ROBO2: variants seen among roughly 807,000 people sequenced by gnomAD.
ROBO2 encodes the protein roundabout guidance receptor 2.
A neutral mutation model predicts 160.8 loss-of-function variants in ROBO2; 53 were observed. The ratio of observed to expected loss-of-function variants is 0.33; its 90% CI spans 0.26 to 0.41. ROBO2 has a LOEUF of 0.41. Among genes scored for constraint, ROBO2 ranks in the 10% least tolerant of loss-of-function variants. The pLI, the probability that ROBO2 is intolerant of heterozygous loss-of-function variation, is 1.00. For missense variants in ROBO2, 1,577 were observed against 1,722.4 expected (o/e 0.92, Z 1.49); for synonymous variants, 664 against 611.7 (o/e 1.09, Z -1.26).
At chr3:76,201,886 T>C (rs1702545665) in intron 2 of ROBO2, among the ~76,000 whole-genome samples, 1 of 36,134 alleles carries the variant, frequency 2.8e-5, no homozygotes, top group Admixed American at 4.3e-4. Context: ...CAACGAGAAA[T>C]GTCAAAAAAA....
chr3:76,513,648 G>A (rs559652123), intron 2 of ROBO2, among the ~76,000 whole-genome samples: 13 of 152,274 alleles, frequency 8.5e-5, no homozygotes, highest in African/African-American at 3.1e-4. Flanking sequence ...GTTATGAATT[G>A]CTTCATTATT....
chr3:76,022,160 G>T (rs1343069080), intron 2 of ROBO2, among the ~76,000 whole-genome samples: 1 of 151,758 alleles, frequency 6.6e-6, no homozygotes, highest in African/African-American at 2.4e-5. Flanking sequence ...TCTTGAAACT[G>T]CAGCAACTCA....
At chr3:76,100,784 C>G (rs952364983) in intron 2 of ROBO2, among the ~76,000 whole-genome samples, 1 of 152,078 alleles carries the variant, frequency 6.6e-6, no homozygotes, top group Non-Finnish European at 1.5e-5. Context: ...TATGGTAACT[C>G]TATCTCAGTA....
intron 2 of ROBO2, among the ~76,000 whole-genome samples, chr3:75,952,120 G>A (rs2107194992): frequency 6.6e-6 from 1 of 151,998 alleles, no homozygotes; most frequent in Non-Finnish European, 1.5e-5. Context: ...TCCAGCAATA[G>A]GTTTTAATCC....
intron 2 of ROBO2, among the ~76,000 whole-genome samples, chr3:77,410,752 C>G (rs1038888283): frequency 1.8e-4 from 26 of 148,194 alleles, no homozygotes; most frequent in Non-Finnish European, 3.4e-4. Flanking sequence ...TTTTCCTCCT[C>G]CTCTTCCTCC....
At chr3:77,605,543 CT>C (rs1381420941) in intron 20 of ROBO2, among the ~76,000 whole-genome samples, 3 of 152,156 alleles carry the variant, frequency 2.0e-5, no homozygotes, top group Admixed American at 1.3e-4. Context: ...ATAGAAAGCC[CT>C]CACATATTTC....
intron 2 of ROBO2, among the ~76,000 whole-genome samples, chr3:76,061,986 A>G (rs1228440560): frequency 6.6e-6 from 1 of 152,032 alleles, no homozygotes; most frequent in Non-Finnish European, 1.5e-5. Context: ...CTAGCTCTTC[A>G]GCTTCTCTTT....
At chr3:75,968,566 A>G (rs986896066) in intron 2 of ROBO2, among the ~76,000 whole-genome samples, 1 of 151,640 alleles carries the variant, frequency 6.6e-6, no homozygotes, top group Non-Finnish European at 1.5e-5. Flanking sequence ...ATCACCGTCC[A>G]TAGTTATATT....
intron 2 of ROBO2, among the ~76,000 whole-genome samples, chr3:76,306,174 A>AGT (rs901514737): frequency 6.6e-6 from 1 of 152,198 alleles, no homozygotes; most frequent in African/African-American, 2.4e-5. Flanking sequence ...GGATTGGTTC[A>AGT]GTCTTCAGCC....
In ROBO2 at chr3:75,918,513, C is replaced by T. The variant is rs117579499; in HGVS notation, c.-14+11553C>T. On this transcript the variant is annotated intron_variant, in intron 1 of 26. Coordinates refer to the ROBO2 transcript ENST00000487694. ...TTTGCTTAGGCTAGTTTTGGCTCCA[C>T]AGGCTCTTTTTTGCTTCCATATGAA... 7.3e-3 allele frequency among the ~76,000 whole-genome samples: 1,114 copies of T among 152,254 alleles called. 75 individuals carry two copies. In the East Asian group the frequency reaches 0.16, roughly 22 times the overall value.
chr3:77,616,615 A>C (rs1266856561), intron 21 of ROBO2, among the ~76,000 whole-genome samples: 2 of 152,152 alleles, frequency 1.3e-5, no homozygotes, highest in Non-Finnish European at 2.9e-5. Context: ...TGAATGTATA[A>C]GACCACTATA....
intron 2 of ROBO2, among the ~76,000 whole-genome samples, chr3:76,224,675 C>G (rs553314162): frequency 6.6e-6 from 1 of 152,184 alleles, no homozygotes; most frequent in Admixed American, 6.5e-5. Flanking sequence ...TTACCTAATT[C>G]ATAATTTTCT....
intron 2 of ROBO2, among the ~76,000 whole-genome samples, chr3:77,236,547 T>C (rs1337007131): frequency 6.6e-6 from 1 of 152,218 alleles, no homozygotes; most frequent in Non-Finnish European, 1.5e-5. Context: ...TTGGGGGTCC[T>C]TAAAATTTTA....
intron 2 of ROBO2, among the ~76,000 whole-genome samples, chr3:75,945,112 T>A (rs1948225189): frequency 6.6e-6 from 1 of 152,170 alleles, no homozygotes; most frequent in South Asian, 2.1e-4. Flanking sequence ...GTGTTTACTT[T>A]GGGTCAAGAA....
At chr3:76,492,905 A>G (rs1296116963) in intron 2 of ROBO2, among the ~76,000 whole-genome samples, 3 of 152,200 alleles carry the variant, frequency 2.0e-5, no homozygotes, top group Non-Finnish European at 2.9e-5. Context: ...GGATATAATC[A>G]TGTAATTATG....
intron 1 of ROBO2, among the ~76,000 whole-genome samples, chr3:75,929,650 G>GC (rs1947448610): frequency 6.6e-6 from 1 of 151,376 alleles, no homozygotes; most frequent in African/African-American, 2.4e-5. Context: ...TATCAGCCAT[G>GC]CCCCTTTGGT....
intron 2 of ROBO2, among the ~76,000 whole-genome samples, chr3:76,604,422 T>A (rs1428631466): frequency 6.6e-6 from 1 of 152,154 alleles, no homozygotes; most frequent in Admixed American, 6.5e-5. Flanking sequence ...TCTTTGGATA[T>A]CAGTTCTTCT....
chr3:77,057,014 T>C (rs1333127507), intron 1 of ROBO2, among the ~76,000 whole-genome samples: 1 of 152,192 alleles, frequency 6.6e-6, no homozygotes, highest in African/African-American at 2.4e-5. Context: ...CATGCACACG[T>C]ATGTTTATTG....
intron 2 of ROBO2, among the ~76,000 whole-genome samples, chr3:77,449,427 T>C (rs184158598): frequency 1.3e-5 from 2 of 152,220 alleles, no homozygotes; most frequent in Admixed American, 1.3e-4. Flanking sequence ...TGAGAAGGGA[T>C]AATAAATGTG....
Sources: gnomAD v4.1 joint callset for allele counts (sites outside exome capture counted in the v4.1 genomes callset) on GRCh38, gnomAD v4.1.1 for gene constraint, MANE v1.5 for transcripts, NCBI Gene and HGNC (gene_info 2026-07-23, HGNC 2026-07-21) for gene names.